Variants in HIVEP1 observed in about 807,000 individuals in gnomAD.
The protein encoded by HIVEP1 is HIVEP zinc finger 1, also known as zinc finger protein 40.
In HIVEP1, 36 loss-of-function variants were observed where a neutral mutation model predicts 180.0. The observed-to-expected ratio is 0.20, with a 90% confidence interval of 0.15 to 0.26. HIVEP1 has a LOEUF of 0.26. HIVEP1 is among the 10% of genes least tolerant of loss of function. The pLI is 1.00. For synonymous variants in HIVEP1, 1,239 were observed against 1,239.0 expected, an observed-to-expected ratio of 1.00 and a Z score of 0.00; for missense variants, 3,143 against 3,268.7, an observed-to-expected ratio of 0.96 and a Z score of 0.94.
downstream of HIVEP1, among the ~76,000 whole-genome samples, chr6:12,165,282 G>A (rs1562022279): frequency 6.6e-6 from 1 of 152,092 alleles, no homozygotes; most frequent in East Asian, 1.9e-4. Flanking sequence ...CCTAAAATGG[G>A]CAACGTTCCT....
chr6:12,185,134 A>G, the HIVEP1 span, among the ~76,000 whole-genome samples: 1 of 152,366 alleles, frequency 6.6e-6, no homozygotes, highest in African/African-American at 2.4e-5. Flanking sequence ...ACATTGGACA[A>G]CTTACCACAA....
intron 3 of HIVEP1, among the ~76,000 whole-genome samples, chr6:12,115,870 G>A (rs1775185156): frequency 6.6e-6 from 1 of 151,716 alleles, no homozygotes; most frequent in Non-Finnish European, 1.5e-5. Flanking sequence ...GGTTGGTGGG[G>A]TTGGTGGGGA....
Position 12,163,938 on chromosome 6 carries a change from A to G in HIVEP1, c.7634A>G (p.Gln2545Arg). The G allele has an allele frequency of 1.2e-6, 2 of 1,614,150 alleles. No individual in the cohort carries two copies. Among genetic ancestry groups the G allele is most frequent in the Non-Finnish European group, 1.7e-6 (2 of 1,180,026 alleles). ...CCTCAGGCACACATTCCAGGTCTCCAGATCTTGAACATAGCATTGCCCACC... is the reference window on the plus strand; with the variant it reads ...CCTCAGGCACACATTCCAGGTCTCCGGATCTTGAACATAGCATTGCCCACC... ...PAPQAHIPGLQILNIALPTLI... is the reference protein window; with the variant it reads ...PAPQAHIPGLRILNIALPTLI... Residue 2545 changes from glutamine to arginine, a missense_variant, in exon 9 of 9, where the codon CAG becomes CGG. Transcript: ENST00000379388.
At chr6:12,092,077 G>A (rs1348669864) in intron 3 of HIVEP1, among the ~76,000 whole-genome samples, 1 of 152,080 alleles carries the variant, frequency 6.6e-6, no homozygotes. Flanking sequence ...CAAAGCATAA[G>A]AATGACATGG....
chr6:12,177,576 A>G, the HIVEP1 span, among the ~76,000 whole-genome samples: 1 of 152,182 alleles, frequency 6.6e-6, no homozygotes, highest in African/African-American at 2.4e-5. Flanking sequence ...AGCCTGTATT[A>G]AGTGTTCAAA....
the HIVEP1 span, among the ~76,000 whole-genome samples, chr6:12,209,449 T>C: frequency 6.6e-6 from 1 of 152,108 alleles, no homozygotes; most frequent in African/African-American, 2.4e-5. Context: ...ACAAAAAATT[T>C]TTTTCTCTAG....
chr6:12,171,839 G>A, the HIVEP1 span, among the ~76,000 whole-genome samples: 1 of 152,150 alleles, frequency 6.6e-6, no homozygotes, highest in African/African-American at 2.4e-5. Context: ...CTTCAAGGAA[G>A]ACTGCAAGGT....
chr6:12,089,716 A>G (rs1008613970), intron 3 of HIVEP1, among the ~76,000 whole-genome samples: 3 of 152,102 alleles, frequency 2.0e-5, no homozygotes, highest in Non-Finnish European at 4.4e-5. Flanking sequence ...GGTATCACGC[A>G]GCTTTGAAAA....
intron 2 of HIVEP1, among the ~76,000 whole-genome samples, chr6:12,057,885 G>A (rs868185605): frequency 2.8e-4 from 42 of 152,236 alleles, no homozygotes; most frequent in African/African-American, 9.4e-4. Context: ...GCATCATTTT[G>A]GGGAAGAACG....
intron 3 of HIVEP1, among the ~76,000 whole-genome samples, chr6:12,094,559 T>C (rs1324744379): frequency 6.6e-6 from 1 of 152,022 alleles, no homozygotes; most frequent in African/African-American, 2.4e-5. Context: ...TTATCACCTT[T>C]TGTTTCTATG....
intron 3 of HIVEP1, among the ~76,000 whole-genome samples, chr6:12,108,487 G>T (rs1213279978): frequency 6.6e-6 from 1 of 152,250 alleles, no homozygotes; most frequent in African/African-American, 2.4e-5. Context: ...CCACGGAGGG[G>T]GTGGGAGGCT....
chr6:12,041,414 TCC>T (rs1769703974), intron 2 of HIVEP1, among the ~76,000 whole-genome samples: 3 of 85,008 alleles, frequency 3.5e-5, no homozygotes, highest in Non-Finnish European at 6.5e-5. Context: ...AGAGCGAGAC[TCC>T]GTCTAAAAAA....
In HIVEP1 at chr6:12,122,791, A is replaced by G. The variant is rs1369348749; in HGVS notation, c.2996A>G (p.His999Arg). The G allele has an allele frequency of 1.2e-6, 2 of 1,613,416 alleles. No homozygotes were observed. Among genetic ancestry groups the G allele is most frequent in the South Asian group, 2.2e-5 (2 of 90,962 alleles). ...AAGGTAGCCATGAGAGAACCTGAGC[A>G]CAGCCCTGTGCCCGGCGGTCTGCAG... ...KTKVAMREPEHSPVPGGLQPQ... is the reference protein window; with the variant it reads ...KTKVAMREPERSPVPGGLQPQ... The change falls in exon 4 of 9, where the codon CAC (histidine) becomes CGC (arginine). Residue 999 changes from histidine (H) to arginine (R), a missense_variant. Physicochemically the swap from His to Arg is conservative, Grantham distance 29. This residue lies in a region of HIVEP1 where 1,357 missense variants were observed against 1,260.5 expected (regional missense o/e 1.08). Transcript: ENST00000379388.
chr6:12,127,776 A>G (rs1274336366), intron 4 of HIVEP1, among the ~76,000 whole-genome samples: 2 of 152,246 alleles, frequency 1.3e-5, no homozygotes, highest in Middle Eastern at 3.2e-3. Context: ...AAGAATGAGC[A>G]GAAAGTGGCA....
chr6:12,084,118 A>C (rs1222600922), intron 2 of HIVEP1, among the ~76,000 whole-genome samples: 1 of 152,102 alleles, frequency 6.6e-6, no homozygotes. Context: ...ATTCAGTGTA[A>C]TGCTATGGCA....
intron 2 of HIVEP1, among the ~76,000 whole-genome samples, chr6:12,077,558 C>T (rs1002431391): frequency 6.6e-6 from 1 of 152,138 alleles, no homozygotes; most frequent in Admixed American, 6.5e-5. Context: ...GTGAAACTTA[C>T]AAGGGGAAGA....
At chr6:12,037,306 T>G (rs1172006583) in intron 2 of HIVEP1, among the ~76,000 whole-genome samples, 1 of 152,238 alleles carries the variant, frequency 6.6e-6, no homozygotes, top group Non-Finnish European at 1.5e-5. Context: ...TTGAGCACCT[T>G]TTTTGGTTGC....
chr6:12,090,248 G>A lies in HIVEP1; in HGVS notation c.94+1011G>A, dbSNP rs566006212. On this transcript the variant is annotated intron_variant, in intron 3 of 8. Coordinates refer to ENST00000379388, the MANE Select transcript of HIVEP1 (RefSeq NM_002114.4). ...GTTCTCTTTATGACATTTGTATTCC[G>A]TGATTTATTATTTATTTTGCCTTGT... 5.3e-5 allele frequency among the ~76,000 whole-genome samples: 8 copies of A among 152,166 alleles called. No individual in the cohort carries two copies. The South Asian group carries it at 1.4e-3, about 28-fold the overall frequency.
In HIVEP1 at chr6:12,119,898, C is replaced by G. The variant is rs760160504; in HGVS notation, c.103C>G (p.Gln35Glu). 1.3e-6 allele frequency: 2 copies of G among 1,548,694 alleles called. No individual in the cohort carries two copies. Among genetic ancestry groups the G allele is most frequent in the Non-Finnish European group, 1.7e-6 (2 of 1,153,916 alleles). Residue 35 changes from glutamine to glutamate, a missense_variant, in exon 4 of 9, where the codon CAG becomes GAG. Coordinates refer to ENST00000379388, the MANE Select transcript of HIVEP1 (RefSeq NM_002114.4). Reference protein sequence around the residue: ...GAEVSKKEILQAGVKGTSESL... With the variant: ...GAEVSKKEILEAGVKGTSESL... The stretch of plus-strand genomic sequence containing the variant: ...GTTGTTGTTTTTTCCAGAAATCTTA[C>G]AGGCTGGTGTTAAAGGAACTTCGGA...
Sources: allele counts gnomAD v4.1 joint callset (sites outside exome capture counted in the v4.1 genomes callset), GRCh38; gene constraint gnomAD v4.1.1; regional missense constraint gnomAD v4.1.1; transcripts MANE v1.5; gene names NCBI Gene and HGNC (gene_info 2026-07-23, HGNC 2026-07-21).